Variants in LONP2 observed in about 807,000 individuals in gnomAD.
LONP2 encodes lon peptidase 2, peroxisomal, also known as lon protease homolog 2, peroxisomal.
LONP2 carries 60 observed loss-of-function variants against 85.6 expected under a neutral mutation model. The observed-to-expected ratio is 0.70, with a 90% CI of 0.57 to 0.87. The LOEUF (loss-of-function observed/expected upper bound fraction) is 0.87, where lower values mean the gene tolerates loss of function less well. LONP2 is among the 40% of genes least tolerant of loss of function. LONP2 has a pLI of 0.00. For missense variants in LONP2, 860 were observed against 1,063.5 expected (o/e 0.81, Z 2.66); for synonymous variants, 395 against 389.7 (o/e 1.01, Z -0.16).
At chr16:48,265,505 T>G (rs909393736) in intron 6 of LONP2, among the ~76,000 whole-genome samples, 2 of 151,752 alleles carry the variant, frequency 1.3e-5, no homozygotes, top group Non-Finnish European at 2.9e-5. Context: ...CTTGGTGCCC[T>G]TGTTGAAAAT....
intron 2 of LONP2, among the ~76,000 whole-genome samples, chr16:48,254,686 T>C (rs1027125507): frequency 6.6e-6 from 1 of 152,208 alleles, no homozygotes; most frequent in African/African-American, 2.4e-5. Flanking sequence ...CTGTTAGCGC[T>C]CATCTCTGTG....
intron 12 of LONP2, among the ~76,000 whole-genome samples, chr16:48,341,372 G>A (rs560621691): frequency 6.6e-6 from 1 of 152,274 alleles, no homozygotes; most frequent in East Asian, 1.9e-4. Context: ...GAAACTTACA[G>A]CCTTGGCAGA....
At chr16:48,293,030 G>C (rs1324463120) in intron 8 of LONP2, among the ~76,000 whole-genome samples, 1 of 152,040 alleles carries the variant, frequency 6.6e-6, no homozygotes, top group Non-Finnish European at 1.5e-5. Context: ...AAACGCTAGT[G>C]TCTTAAAATT....
At chr16:48,300,779 G>A (rs1972788112) in intron 10 of LONP2, among the ~76,000 whole-genome samples, 1 of 152,170 alleles carries the variant, frequency 6.6e-6, no homozygotes, top group Admixed American at 6.5e-5. Context: ...TGACTTATAT[G>A]TCTGAGTCTT....
chr16:48,304,071 C>T (rs968068565), intron 11 of LONP2, among the ~76,000 whole-genome samples: 2 of 152,192 alleles, frequency 1.3e-5, no homozygotes, highest in Non-Finnish European at 2.9e-5. Flanking sequence ...TTGAAACTCA[C>T]TATTAACCAT....
chr16:48,327,837 A>G (rs1959292346), intron 11 of LONP2, among the ~76,000 whole-genome samples: 1 of 152,238 alleles, frequency 6.6e-6, no homozygotes, highest in Non-Finnish European at 1.5e-5. Flanking sequence ...ATGAAATATA[A>G]TAGTGATATA....
intron 6 of LONP2, among the ~76,000 whole-genome samples, chr16:48,269,528 G>T (rs947312846): frequency 1.3e-5 from 2 of 152,130 alleles, no homozygotes; most frequent in African/African-American, 4.8e-5. Context: ...AAATAGGTTT[G>T]TAAATGCACG....
At chr16:48,337,880 C>G (rs1382085152) in intron 12 of LONP2, among the ~76,000 whole-genome samples, 3 of 152,206 alleles carry the variant, frequency 2.0e-5, no homozygotes, top group Non-Finnish European at 4.4e-5. Flanking sequence ...GTGGCATGAT[C>G]ATAGCTCACT....
chr16:48,271,436 A>G (rs1047232791), intron 7 of LONP2, among the ~76,000 whole-genome samples: 2 of 152,192 alleles, frequency 1.3e-5, no homozygotes, highest in African/African-American at 4.8e-5. Flanking sequence ...AAAGAATATG[A>G]TGCTTTTTTA....
chr16:48,283,765 A>G (rs1220642714), intron 8 of LONP2, among the ~76,000 whole-genome samples: 1 of 152,216 alleles, frequency 6.6e-6, no homozygotes, highest in African/African-American at 2.4e-5. Flanking sequence ...TCTGCAGCCC[A>G]TGGATCAAGG....
At chr16:48,276,160 A>G (rs900280296) in intron 7 of LONP2, among the ~76,000 whole-genome samples, 1 of 152,194 alleles carries the variant, frequency 6.6e-6, no homozygotes, top group Non-Finnish European at 1.5e-5. Context: ...GAAATCTTGA[A>G]TGTGCTAATT....
At chr16:48,326,016 G>A (rs1324088940) in intron 11 of LONP2, among the ~76,000 whole-genome samples, 2 of 152,196 alleles carry the variant, frequency 1.3e-5, no homozygotes, top group East Asian at 3.8e-4. Flanking sequence ...TAGGCAGTTT[G>A]TTTAAGCTTG....
At chr16:48,349,571 A>G (rs1960075928) in intron 14 of LONP2, among the ~76,000 whole-genome samples, 2 of 152,204 alleles carry the variant, frequency 1.3e-5, no homozygotes, top group African/African-American at 4.8e-5. Context: ...GTACACCTTC[A>G]GCTCCAGACC....
In LONP2 at chr16:48,272,856, A is replaced by C. The variant is rs377668241; in HGVS notation, c.1241+2582A>C. On this transcript the variant is annotated intron_variant, in intron 7 of 14. Transcript: ENST00000285737. ...TTTATTTCAAACCCTGTTTGGAAGC[A>C]CGTGGAGAGTAGTGGGGTTCAGTTG... Among the ~76,000 whole-genome samples, 76 of 152,302 alleles carry C rather than the reference A, an allele frequency of 5.0e-4. 1 individual carries two copies. The highest frequency in any genetic ancestry group is 1.7e-3 in the African/African-American group (72 of 41,574).
At chr16:48,351,470 TTGGA>T (rs1960144072) in intron 14 of LONP2, 107 bp from the exon 15 acceptor site, 1 of 787,176 alleles carries the variant, frequency 1.3e-6, no homozygotes. Context: ...GGAAGATGAT[TTGGA>T]TGTTTTAAAA....
chr16:48,263,951 G>A (rs1386355663), intron 6 of LONP2, among the ~76,000 whole-genome samples: 1 of 152,086 alleles, frequency 6.6e-6, no homozygotes, highest in African/African-American at 2.4e-5. Context: ...GATCCGTGAT[G>A]CCCCACAAGC....
chr16:48,258,472 C>A, intron 3 of LONP2, 146 bp from the exon 4 acceptor site: 1 of 569,362 alleles, frequency 1.8e-6, no homozygotes, highest in Non-Finnish European at 2.8e-6. Context: ...TAATATAGTT[C>A]ATTTGGTTGT....
Position 48,301,070 on chromosome 16 carries a change from T to C in LONP2, c.1661+1282T>C, listed in dbSNP as rs116791670. ...AATATCTGGAGCAGTTTTGTTAGTT[T>C]TGATATTGTTTTTAAAAACAGCACA... On this transcript the variant is annotated intron_variant, in intron 10 of 14. Transcript: ENST00000285737. Among the ~76,000 whole-genome samples, 1,121 of 152,316 alleles carry C rather than the reference T, an allele frequency of 7.4e-3. 13 individuals carry two copies. Among genetic ancestry groups the C allele is most frequent in the African/African-American group, 0.025 (1,056 of 41,566 alleles).
intron 12 of LONP2, chr16:48,336,397 C>T: frequency 2.2e-6 from 1 of 456,252 alleles, no homozygotes; most frequent in South Asian, 1.5e-5. Flanking sequence ...TTATAGATAG[C>T]ATCTTAGAAT....
Sources: gnomAD v4.1 joint callset for allele counts (sites outside exome capture counted in the v4.1 genomes callset) on GRCh38, gnomAD v4.1.1 for gene constraint, MANE v1.5 for transcripts, NCBI Gene and HGNC (gene_info 2026-07-23, HGNC 2026-07-21) for gene names.